The following TENM3 variants were observed in gnomAD, a reference collection of about 807,000 sequenced individuals.
TENM3 encodes teneurin transmembrane protein 3.
A neutral mutation model predicts 255.1 loss-of-function variants in TENM3; 63 were observed. That is an observed-to-expected ratio of 0.25 (90% CI 0.20 to 0.30). The LOEUF is 0.30. TENM3 is among the 10% of genes least tolerant of loss of function. TENM3 has a pLI of 1.00. For missense variants in TENM3, 2,929 were observed against 3,461.1 expected, an observed-to-expected ratio of 0.85 and a Z score of 3.86; for synonymous variants, 1,306 against 1,322.3, an observed-to-expected ratio of 0.99 and a Z score of 0.27.
the TENM3 span, among the ~76,000 whole-genome samples, chr4:181,913,041 G>A: frequency 6.6e-6 from 1 of 152,130 alleles, no homozygotes; most frequent in Non-Finnish European, 1.5e-5. Flanking sequence ...ATTTTAATCT[G>A]CTTAGAAAGG....
chr4:181,639,177 G>T, the TENM3 span, among the ~76,000 whole-genome samples: 1 of 152,138 alleles, frequency 6.6e-6, no homozygotes, highest in Non-Finnish European at 1.5e-5. Context: ...AAAGCTATGG[G>T]AAATGATGGA....
At chr4:181,908,495 A>G in the TENM3 span, among the ~76,000 whole-genome samples, 1 of 152,176 alleles carries the variant, frequency 6.6e-6, no homozygotes, top group Non-Finnish European at 1.5e-5. Flanking sequence ...ATATTGGGTG[A>G]TACATTTTAA....
At chr4:182,448,298 C>G (rs1010851196) in intron 3 of TENM3, among the ~76,000 whole-genome samples, 1 of 152,142 alleles carries the variant, frequency 6.6e-6, no homozygotes, top group East Asian at 1.9e-4. Flanking sequence ...TGAGCTGGTC[C>G]CTGCTGCGTT....
At chr4:182,695,434 G>A (rs1022489446) in intron 12 of TENM3, among the ~76,000 whole-genome samples, 11 of 152,194 alleles carry the variant, frequency 7.2e-5, no homozygotes, top group Non-Finnish European at 1.6e-4. Context: ...ACTTTTCCTT[G>A]TGCAGGGTGG....
chr4:181,700,762 C>T, the TENM3 span, among the ~76,000 whole-genome samples: 9 of 152,134 alleles, frequency 5.9e-5, no homozygotes, highest in African/African-American at 1.9e-4. Context: ...TGGTGCTGTG[C>T]GTGGCCACAG....
At chr4:181,464,895 G>C in the TENM3 span, among the ~76,000 whole-genome samples, 1 of 152,106 alleles carries the variant, frequency 6.6e-6, no homozygotes, top group African/African-American at 2.4e-5. Context: ...AGGTTGCAGT[G>C]AGCCGAGATG....
chr4:182,157,860 C>A (rs925210089), intron 1 of TENM3, among the ~76,000 whole-genome samples: 4 of 152,192 alleles, frequency 2.6e-5, no homozygotes, highest in Non-Finnish European at 5.9e-5. Flanking sequence ...GCAACACCAG[C>A]AGGTAGCACA....
At chr4:182,369,179 A>T (rs1266500700) in intron 3 of TENM3, among the ~76,000 whole-genome samples, 1 of 152,206 alleles carries the variant, frequency 6.6e-6, no homozygotes, top group Non-Finnish European at 1.5e-5. Context: ...TCTAAATGGC[A>T]GAGAAGTTGA....
intron 4 of TENM3, among the ~76,000 whole-genome samples, chr4:182,603,784 T>TATATATATATATATATACACACAC (rs58332965): frequency 2.2e-5 from 3 of 134,164 alleles, no homozygotes; most frequent in African/African-American, 8.2e-5. Context: ...TATATATATA[T>TATATATATATATATATACACACAC]ACACACACAC....
At chr4:181,843,928 C>T in the TENM3 span, among the ~76,000 whole-genome samples, 2 of 152,010 alleles carry the variant, frequency 1.3e-5, no homozygotes, top group Non-Finnish European at 2.9e-5. Flanking sequence ...CCATGTTGGC[C>T]AGACTGGTCT....
At chr4:182,092,520 C>G in the TENM3 span, among the ~76,000 whole-genome samples, 4 of 152,062 alleles carry the variant, frequency 2.6e-5, no homozygotes, top group African/African-American at 9.7e-5. Flanking sequence ...CATTGGCATG[C>G]ACCTATTGTT....
At chr4:182,541,481 A>G (rs1740872511) in intron 3 of TENM3, among the ~76,000 whole-genome samples, 1 of 152,228 alleles carries the variant, frequency 6.6e-6, no homozygotes, top group African/African-American at 2.4e-5. Flanking sequence ...GGGTGGTGCA[A>G]ACATTTTCAA....
Position 182,792,206 on chromosome 4 carries a change from GGT to G in TENM3, c.5602-67_5602-66del. The G allele has an allele frequency of 2.9e-6, 4 of 1,371,704 alleles. No individual in the cohort carries two copies. The highest frequency in any genetic ancestry group is 4.1e-6 in the Non-Finnish European group (4 of 984,834). 85.0% of individuals were successfully genotyped at this position (1,371,704 alleles called of 1,614,324 possible). ...TAGTGGAATGTTTCTGTGCATCTGTGGTCACTAAATCTGCTTTTGCATCTCCC... is the reference window on the plus strand; with the variant it reads ...TAGTGGAATGTTTCTGTGCATCTGTGCACTAAATCTGCTTTTGCATCTCCC... On this transcript the variant is annotated intron_variant, in intron 25 of 27. Coordinates refer to ENST00000511685, the MANE Select transcript of TENM3 (RefSeq NM_001080477.4). This position sits in a 1 kb window ranked among gnomAD's most constrained non-coding sequence, Gnocchi z 6.3.
At chr4:181,522,575 G>C in the TENM3 span, 1 of 410,186 alleles carries the variant, frequency 2.4e-6, no homozygotes, top group Non-Finnish European at 4.6e-6. Context: ...TAAAAAGCCA[G>C]TAAATTTGGA....
Position 182,792,421 on chromosome 4 carries a change from C to T in TENM3, c.5749C>T (p.Pro1917Ser), listed in dbSNP as rs369767756. The T allele has an allele frequency of 3.1e-6, 5 of 1,614,032 alleles. No homozygotes were observed. In the South Asian group the frequency reaches 3.3e-5, roughly 11 times the overall value. The change falls in exon 26 of 28, where the codon CCC (proline) becomes TCC (serine). Residue 1917 changes from proline to serine, a missense_variant. This residue lies in a region of TENM3 where 303 missense variants were observed against 425.2 expected (regional missense o/e 0.71). Coordinates refer to ENST00000511685, the MANE Select transcript of TENM3 (RefSeq NM_001080477.4). This position sits in a 1 kb window ranked among gnomAD's most constrained non-coding sequence, Gnocchi z 6.3. ...SIGYYRNIYN[P>S]PESNASIITD... ...TGGCTACTACCGCAACATATACAAC[C>T]CCCCGGAAAGCAACGCCTCCATCAT...
intron 3 of TENM3, among the ~76,000 whole-genome samples, chr4:182,597,280 A>G (rs1021194937): frequency 2.6e-5 from 4 of 152,108 alleles, no homozygotes; most frequent in African/African-American, 9.7e-5. Flanking sequence ...GTGGTGGCAC[A>G]TGCCTGTAGT....
At chr4:181,642,556 C>T in the TENM3 span, among the ~76,000 whole-genome samples, 3 of 151,750 alleles carry the variant, frequency 2.0e-5, no homozygotes, top group Non-Finnish European at 2.9e-5. Context: ...ATGCCGATGT[C>T]CTGAATGGTA....
At chr4:181,490,003 T>C in the TENM3 span, among the ~76,000 whole-genome samples, 1 of 152,214 alleles carries the variant, frequency 6.6e-6, no homozygotes, top group African/African-American at 2.4e-5. Flanking sequence ...TCTGGAAATA[T>C]GACCTATTTT....
At chr4:181,944,684 G>C in the TENM3 span, among the ~76,000 whole-genome samples, 1 of 152,046 alleles carries the variant, frequency 6.6e-6, no homozygotes, top group Non-Finnish European at 1.5e-5. Flanking sequence ...GACAATGCCT[G>C]ACTGCCCACT....
Sources: gnomAD v4.1 joint callset for allele counts (sites outside exome capture counted in the v4.1 genomes callset) on GRCh38, gnomAD v4.1.1 for gene constraint, gnomAD v4.1.1 regional missense constraint, Gnocchi (gnomAD v3.1) non-coding constraint, MANE v1.5 for transcripts, NCBI Gene and HGNC (gene_info 2026-07-23, HGNC 2026-07-21) for gene names.